The following ARHGAP15 variants were observed in gnomAD, a reference collection of about 807,000 sequenced individuals.
The protein encoded by ARHGAP15 is Rho GTPase activating protein 15.
In ARHGAP15, 51 loss-of-function variants were observed where a neutral mutation model predicts 63.7. The observed-to-expected ratio is 0.80, with a 90% CI of 0.64 to 1.01. The LOEUF (loss-of-function observed/expected upper bound fraction) is 1.01, where lower values mean the gene tolerates loss of function less well. ARHGAP15 is among the 50% of genes least tolerant of loss of function. The pLI is 0.00. For synonymous variants in ARHGAP15, 191 were observed against 193.8 expected (o/e 0.99, Z 0.12); for missense variants, 560 against 564.6 (o/e 0.99, Z 0.08).
chr2:143,621,032 A>T (rs1698627775), intron 11 of ARHGAP15, among the ~76,000 whole-genome samples: 1 of 152,192 alleles, frequency 6.6e-6, no homozygotes, highest in African/African-American at 2.4e-5. Context: ...ACAGACACTT[A>T]TGGACTTCAC....
chr2:143,717,015 T>G (rs923634100), intron 13 of ARHGAP15, among the ~76,000 whole-genome samples: 1 of 152,272 alleles, frequency 6.6e-6, no homozygotes, highest in African/African-American at 2.4e-5. Flanking sequence ...AGTTTCATTT[T>G]TAGGGGTCCT....
At position 143,349,098 on chromosome 2, in the gene ARHGAP15, C is replaced by T. The variant is rs376793237; in HGVS notation, c.475-86503C>T. The stretch of plus-strand genomic sequence containing the variant: ...CTTAAGATTATCAAGTTATTTAGAC[C>T]CTCCAAAGTTTCTTTTATTGACATT... On this transcript the variant is annotated intron_variant, in intron 6 of 13. Transcript: ENST00000295095. Among the ~76,000 whole-genome samples the T allele has an allele frequency of 1.1e-3, 169 of 152,144 alleles. 1 individual carries two copies. Among genetic ancestry groups the T allele is most frequent in the African/African-American group, 4.0e-3 (165 of 41,504 alleles).
intron 6 of ARHGAP15, among the ~76,000 whole-genome samples, chr2:143,291,974 G>A (rs922289406): frequency 6.6e-6 from 1 of 152,070 alleles, no homozygotes; most frequent in African/African-American, 2.4e-5. Context: ...TTTAGAAACT[G>A]GGAAGTTTTA....
intron 6 of ARHGAP15, among the ~76,000 whole-genome samples, chr2:143,378,804 C>A (rs904236519): frequency 6.6e-6 from 1 of 151,852 alleles, no homozygotes; most frequent in African/African-American, 2.4e-5. Context: ...GAATTATATC[C>A]ACAAACTGGA....
chr2:143,650,114 A>G (rs1292716347), intron 12 of ARHGAP15, among the ~76,000 whole-genome samples: 1 of 151,870 alleles, frequency 6.6e-6, no homozygotes, highest in East Asian at 1.9e-4. Context: ...GAAAAAAATG[A>G]TAACTCTAAA....
At chr2:143,192,388 A>T (rs569190540) in intron 2 of ARHGAP15, among the ~76,000 whole-genome samples, 1 of 152,370 alleles carries the variant, frequency 6.6e-6, no homozygotes, top group South Asian at 2.1e-4. Flanking sequence ...AGGCAGACTA[A>T]CAACACCCTG....
At chr2:143,226,590 C>G (rs1032621037) in intron 4 of ARHGAP15, among the ~76,000 whole-genome samples, 2 of 152,196 alleles carry the variant, frequency 1.3e-5, no homozygotes, top group African/African-American at 2.4e-5. Flanking sequence ...TCAATTCACT[C>G]TGCTGCTGCT....
chr2:143,248,133 A>G (rs1694116094), intron 5 of ARHGAP15, among the ~76,000 whole-genome samples: 1 of 152,162 alleles, frequency 6.6e-6, no homozygotes, highest in African/African-American at 2.4e-5. Context: ...AGTTAGGAGG[A>G]GGGCTGCAGT....
At chr2:143,585,547 T>G (rs908473361) in intron 11 of ARHGAP15, among the ~76,000 whole-genome samples, 1 of 152,116 alleles carries the variant, frequency 6.6e-6, no homozygotes, top group Non-Finnish European at 1.5e-5. Context: ...AGCAAAAATG[T>G]TTTATGTTTA....
chr2:143,459,575 C>T (rs1690828244), intron 8 of ARHGAP15, among the ~76,000 whole-genome samples: 1 of 152,022 alleles, frequency 6.6e-6, no homozygotes, highest in Non-Finnish European at 1.5e-5. Flanking sequence ...TATTGCATAC[C>T]TATGCTTTCT....
chr2:143,386,347 T>C (rs1346977611), intron 6 of ARHGAP15, among the ~76,000 whole-genome samples: 2 of 152,176 alleles, frequency 1.3e-5, no homozygotes, highest in African/African-American at 4.8e-5. Flanking sequence ...TATCAAAAAA[T>C]AGAATTTTCT....
intron 10 of ARHGAP15, among the ~76,000 whole-genome samples, chr2:143,550,527 AAAATT>A (rs1695512531): frequency 6.6e-6 from 1 of 152,224 alleles, no homozygotes; most frequent in African/African-American, 2.4e-5. Context: ...TGAATAAAAT[AAAATT>A]AAGTCCCTCA....
intron 6 of ARHGAP15, among the ~76,000 whole-genome samples, chr2:143,394,024 T>A (rs1687655335): frequency 6.6e-6 from 1 of 152,184 alleles, no homozygotes; most frequent in African/African-American, 2.4e-5. Context: ...AAATATTAAG[T>A]GTTTTTCTAA....
chr2:143,554,577 C>T (rs990051150), intron 10 of ARHGAP15, among the ~76,000 whole-genome samples: 4 of 152,084 alleles, frequency 2.6e-5, no homozygotes, highest in African/African-American at 4.8e-5. Flanking sequence ...AAATCTATCA[C>T]GTTATTTAAA....
intron 12 of ARHGAP15, among the ~76,000 whole-genome samples, chr2:143,650,784 A>G (rs1357596008): frequency 6.6e-6 from 1 of 151,940 alleles, no homozygotes; most frequent in East Asian, 1.9e-4. Flanking sequence ...GGCAGTTAAC[A>G]TACCTCGCTA....
intron 9 of ARHGAP15, among the ~76,000 whole-genome samples, chr2:143,491,496 A>C (rs1692578839): frequency 6.6e-6 from 1 of 152,226 alleles, no homozygotes; most frequent in Non-Finnish European, 1.5e-5. Context: ...ATAAGGACAA[A>C]ACCATACTGG....
At chr2:143,532,270 A>G (rs1574588727) in intron 10 of ARHGAP15, among the ~76,000 whole-genome samples, 1 of 152,356 alleles carries the variant, frequency 6.6e-6, no homozygotes, top group Admixed American at 6.5e-5. Flanking sequence ...ATTTCCTGCC[A>G]GCACCTGTTA....
intron 6 of ARHGAP15, among the ~76,000 whole-genome samples, chr2:143,258,949 C>T (rs1348569042): frequency 6.6e-6 from 1 of 151,852 alleles, no homozygotes; most frequent in East Asian, 1.9e-4. Context: ...ATTGCTGAAG[C>T]ACCTTGAAAA....
intron 6 of ARHGAP15, among the ~76,000 whole-genome samples, chr2:143,288,742 T>G (rs1682240727): frequency 6.6e-6 from 1 of 151,378 alleles, no homozygotes; most frequent in Non-Finnish European, 1.5e-5. Context: ...TACTGATAAA[T>G]ACATGGAATT....
Sources: allele counts gnomAD v4.1 joint callset (sites outside exome capture counted in the v4.1 genomes callset), GRCh38; gene constraint gnomAD v4.1.1; transcripts MANE v1.5; gene names NCBI Gene and HGNC (gene_info 2026-07-23, HGNC 2026-07-21).